RANBP10: variants seen among roughly 807,000 people sequenced by gnomAD.
The protein encoded by RANBP10 is ran-binding protein 10.
Under a neutral mutation model 72.8 loss-of-function variants are expected in RANBP10, and 24 were observed. The observed-to-expected ratio is 0.33, with a 90% CI of 0.24 to 0.46. RANBP10 has a LOEUF of 0.46. Ranked by LOEUF, RANBP10 falls within the 20% of genes least tolerant of loss-of-function variation. The probability of loss-of-function intolerance (pLI) is 1.00; values close to 1 mark genes in which losing one functional copy is unlikely to be tolerated. For missense variants in RANBP10, 679 were observed against 817.5 expected (o/e 0.83, Z 2.07); for synonymous variants, 310 against 322.3 (o/e 0.96, Z 0.41).
chr16:67,768,018 T>C (rs1025554211), intron 3 of RANBP10, among the ~76,000 whole-genome samples: 3 of 148,448 alleles, frequency 2.0e-5, no homozygotes, highest in Non-Finnish European at 3.0e-5. Flanking sequence ...GTGAACCATA[T>C]CATGTCACTG....
At position 67,726,496 on chromosome 16, in the gene RANBP10, G is replaced by T; in HGVS notation, c.1795C>A (p.Leu599Ile). Residue 599 changes from leucine (L) to isoleucine (I), a missense_variant, in exon 14 of 14, where the codon CTC becomes ATC. Coordinates refer to ENST00000317506, the MANE Select transcript of RANBP10 (RefSeq NM_020850.3). ...AGGCCTGCTCGGGCCATGAGCCGGA[G>T]ACACTCAGATGCCTGGCCCAGGGCG... is the stretch of plus-strand genomic sequence containing the variant. ...MLALGQASEC[L>I]RLMARAGLGS... 1 of 1,595,652 alleles carries T rather than the reference G, an allele frequency of 6.3e-7. No homozygotes were observed.
intron 2 of RANBP10, among the ~76,000 whole-genome samples, chr16:67,774,518 T>A (rs751830914): frequency 1.3e-5 from 2 of 152,152 alleles, no homozygotes; most frequent in Non-Finnish European, 2.9e-5. Flanking sequence ...GGTAAGATGG[T>A]GTTTATTAGT....
chr16:67,797,301 A>G (rs2055150442), intron 2 of RANBP10, among the ~76,000 whole-genome samples: 1 of 152,244 alleles, frequency 6.6e-6, no homozygotes, highest in Admixed American at 6.5e-5. Context: ...AAAGAAGGCA[A>G]CGACGCTCCC....
At chr16:67,736,881 C>T (rs2053858272) in intron 5 of RANBP10, among the ~76,000 whole-genome samples, 1 of 152,152 alleles carries the variant, frequency 6.6e-6, no homozygotes, top group South Asian at 2.1e-4. Context: ...GCTTCAGAGG[C>T]CCATAAGATC....
chr16:67,729,593 C>T lies in RANBP10; in HGVS notation c.1147+87G>A. On this transcript the variant is annotated intron_variant, in intron 9 of 13. Coordinates refer to ENST00000317506, the MANE Select transcript of RANBP10 (RefSeq NM_020850.3). This position sits in a 1 kb window ranked among gnomAD's most constrained non-coding sequence, Gnocchi z 7.1. The stretch of plus-strand genomic sequence containing the variant: ...CCCTTCTCCCAAATCCAGCAGTGAG[C>T]CCTGAGCCCAGCCCAGGAAAGGGTA... The T allele has an allele frequency of 1.9e-6, 3 of 1,551,182 alleles. No homozygotes were observed. The highest frequency in any genetic ancestry group is 8.7e-7 in the Non-Finnish European group (1 of 1,149,372).
intron 2 of RANBP10, among the ~76,000 whole-genome samples, chr16:67,777,389 A>G (rs1030569423): frequency 1.3e-5 from 2 of 151,924 alleles, no homozygotes; most frequent in African/African-American, 2.4e-5. Flanking sequence ...ACAAAAATTT[A>G]GCCGGGCATG....
rs2053563492 is a variant in RANBP10 at position 67,723,941 on chromosome 16, G to A, written c.*2487C>T. 6.6e-6 allele frequency: 1 copy of A among 152,646 alleles called. No individual in the cohort carries two copies. The highest frequency in any genetic ancestry group is 2.4e-5 in the African/African-American group (1 of 41,444). The allele number at this position is 152,646 out of a possible 1,614,324, so 9.5% of individuals were successfully genotyped here. A position where few individuals can be genotyped will look rare whatever the true frequency, so the allele number is the denominator to read the frequency against. The stretch of plus-strand genomic sequence containing the variant: ...GTGGGGCAAAGGCTTATGTCCCAAA[G>A]GTGAGCTGCCCAACTGGGACAGAGA... On this transcript the variant is annotated 3_prime_UTR_variant, in exon 14 of 14. Coordinates refer to ENST00000317506, the MANE Select transcript of RANBP10 (RefSeq NM_020850.3).
Position 67,744,344 on chromosome 16 carries a change from C to A in RANBP10, c.512G>T (p.Cys171Phe). The A allele has an allele frequency of 6.2e-7, 1 of 1,614,230 alleles. No homozygotes were observed. Among genetic ancestry groups the A allele is most frequent in the Non-Finnish European group, 8.5e-7 (1 of 1,180,034 alleles). The stretch of plus-strand genomic sequence containing the variant: ...GGTGCCATTGATGAGGTTGACACAG[C>A]AGCCGATCACGTCTCCTGTGGTGAA... ...PTFTTGDVIG[C>F]CVNLINGTCF... is the part of the protein sequence containing the mutation. Residue 171 changes from cysteine to phenylalanine, a missense_variant, in exon 4 of 14, where the codon TGC becomes TTC. Physicochemically the swap from Cys to Phe is radical, Grantham distance 205. Transcript: ENST00000317506.
chr16:67,767,945 A>G (rs2054535407), intron 3 of RANBP10, among the ~76,000 whole-genome samples: 1 of 152,062 alleles, frequency 6.6e-6, no homozygotes, highest in Non-Finnish European at 1.5e-5. Context: ...GTGCACCTGT[A>G]GTCCCAGCTA....
At chr16:67,779,027 G>A (rs1314249876) in intron 2 of RANBP10, among the ~76,000 whole-genome samples, 1 of 152,094 alleles carries the variant, frequency 6.6e-6, no homozygotes. Context: ...CCAGGAAGTT[G>A]AGGCTGCAGT....
At chr16:67,778,088 G>A (rs1002669468) in intron 2 of RANBP10, among the ~76,000 whole-genome samples, 7 of 152,188 alleles carry the variant, frequency 4.6e-5, no homozygotes, top group African/African-American at 1.2e-4. Flanking sequence ...GGTGGCTCAC[G>A]CCTGTAATCC....
intron 1 of RANBP10, 81 bp downstream of exon 1, chr16:67,806,221 G>A: frequency 4.5e-6 from 6 of 1,321,908 alleles, no homozygotes; most frequent in East Asian, 2.5e-5. Flanking sequence ...GGGAAAGGGA[G>A]GTGATAGGGC....
chr16:67,725,240 G>A lies in RANBP10; in HGVS notation c.*1188C>T, dbSNP rs2053578307. The A allele has an allele frequency of 6.6e-6, 1 of 152,486 alleles. No homozygotes were observed. The highest frequency in any genetic ancestry group is 6.5e-5 in the Admixed American group (1 of 15,286). The allele number at this position is 152,486 out of a possible 1,614,324, so 9.4% of individuals were successfully genotyped here. Reference sequence around the variant, plus strand: ...AGTGGCAGTGAAGTCTGGCCTAGGGGACCAAGGATTCCATCCACTCCCTGG... The same window carrying A: ...AGTGGCAGTGAAGTCTGGCCTAGGGAACCAAGGATTCCATCCACTCCCTGG... On this transcript the variant is annotated 3_prime_UTR_variant, in exon 14 of 14. Coordinates refer to ENST00000317506, the MANE Select transcript of RANBP10 (RefSeq NM_020850.3).
intron 2 of RANBP10, among the ~76,000 whole-genome samples, chr16:67,789,187 G>A (rs1475011195): frequency 1.3e-5 from 2 of 148,796 alleles, no homozygotes; most frequent in Admixed American, 6.7e-5. Context: ...GTGCACGCCT[G>A]TAGTCTCAGC....
At chr16:67,740,383 C>T (rs980868163) in intron 4 of RANBP10, among the ~76,000 whole-genome samples, 1 of 152,032 alleles carries the variant, frequency 6.6e-6, no homozygotes, top group Non-Finnish European at 1.5e-5. Context: ...GGATTACAGT[C>T]GTGAGCCATC....
At chr16:67,765,050 A>C (rs1158136293) in intron 3 of RANBP10, among the ~76,000 whole-genome samples, 5 of 152,016 alleles carry the variant, frequency 3.3e-5, no homozygotes, top group Non-Finnish European at 2.9e-5. Flanking sequence ...CAAAACAGCA[A>C]ACTTAGATGG....
At chr16:67,777,102 C>G (rs1001684192) in intron 2 of RANBP10, among the ~76,000 whole-genome samples, 1 of 150,994 alleles carries the variant, frequency 6.6e-6, no homozygotes, top group African/African-American at 2.4e-5. Context: ...CCCAGCTATT[C>G]GGGAGGCTGA....
rs766121018 is a variant in RANBP10, at chr16:67,806,488, C to T, written c.49G>A (p.Asp17Asn). Residue 17 changes from aspartate to asparagine, a missense_variant, in exon 1 of 14, where the codon GAC (aspartate) becomes AAC (asparagine). Physicochemically the swap from Asp to Asn is conservative, Grantham distance 23 (BLOSUM62 1). Coordinates refer to ENST00000317506, the MANE Select transcript of RANBP10 (RefSeq NM_020850.3). The part of the protein sequence containing the change: ...DPGAGNPQPG[D>N]SSGGGAGGGL... ...CCCCCAGCGCCCCCGCCGGAGGAGT[C>T]CCCAGGCTGCGGGTTCCCAGCTCCC... is the stretch of plus-strand genomic sequence containing the variant. 5.8e-6 allele frequency: 9 copies of T among 1,539,678 alleles called. No homozygotes were observed. Among genetic ancestry groups the T allele is most frequent in the African/African-American group, 1.4e-5 (1 of 72,588 alleles).
At chr16:67,788,828 C>T (rs2054970616) in intron 2 of RANBP10, among the ~76,000 whole-genome samples, 1 of 150,548 alleles carries the variant, frequency 6.6e-6, no homozygotes, top group Non-Finnish European at 1.5e-5. Flanking sequence ...TGGTGAACTC[C>T]ATCTCTACTG....
Sources: allele counts gnomAD v4.1 joint callset (sites outside exome capture counted in the v4.1 genomes callset), GRCh38; gene constraint gnomAD v4.1.1; non-coding constraint Gnocchi (gnomAD v3.1); transcripts MANE v1.5; gene names NCBI Gene and HGNC (gene_info 2026-07-23, HGNC 2026-07-21).